The following VPS9D1 variants were observed in gnomAD, a reference collection of about 807,000 sequenced individuals.
VPS9D1 encodes the protein VPS9 domain containing 1.
A neutral mutation model predicts 75.8 loss-of-function variants in VPS9D1; 78 were observed. That is an observed-to-expected ratio of 1.03 (90% CI 0.86 to 1.24). The LOEUF is 1.24. Among genes scored for constraint, VPS9D1 ranks in the 50% most tolerant of loss-of-function variants. The pLI is 0.00. For missense variants in VPS9D1, 1,057 were observed against 847.7 expected, an observed-to-expected ratio of 1.25 and a Z score of -3.07; for synonymous variants, 481 against 385.6, an observed-to-expected ratio of 1.25 and a Z score of -2.90.
rs185285958 is a variant in VPS9D1 at position 89,713,946 on chromosome 16, T to A, written c.432-1230A>T. Reference sequence around the variant, plus strand: ...AAATCACTGAGGTTTTTTTGCAAAATTTTTTTTTTTGAGTCAGTCTCATTC... The same window carrying A: ...AAATCACTGAGGTTTTTTTGCAAAAATTTTTTTTTTGAGTCAGTCTCATTC... On this transcript the variant is annotated intron_variant, in intron 4 of 14. Transcript: ENST00000389386. 1.8e-3 allele frequency among the ~76,000 whole-genome samples: 273 copies of A among 149,160 alleles called. 2 individuals are homozygous for A. The highest frequency in any genetic ancestry group is 4.8e-3 in the African/African-American group (196 of 40,620).
chr16:89,720,256 T>C, intron 1 of VPS9D1: 1 of 339,860 alleles, frequency 2.9e-6, no homozygotes, highest in Non-Finnish European at 4.2e-6. Flanking sequence ...CTCTACCTGG[T>C]CGCCAACCTT....
intron 4 of VPS9D1, among the ~76,000 whole-genome samples, chr16:89,713,776 A>T (rs992902253): frequency 1.3e-4 from 19 of 151,556 alleles, no homozygotes; most frequent in Non-Finnish European, 2.7e-4. Context: ...TGGGAGGATG[A>T]GGCAGGCGGA....
At chr16:89,711,648 C>G (rs961390135) in intron 8 of VPS9D1, 1 of 663,964 alleles carries the variant, frequency 1.5e-6, no homozygotes, top group African/African-American at 1.9e-5. Context: ...GGGACCCTCC[C>G]TCCTCGCTGG....
chr16:89,716,460 A>C lies in VPS9D1; in HGVS notation c.431+2T>G. On this transcript the variant is annotated splice_donor_variant, in intron 4 of 14. Transcript: ENST00000389386. LOFTEE classifies it high-confidence loss of function. ...TCCCACCTCCCATCTTGTCCATCTT[A>C]CTTCTTACAGCTTTGTGACTCTGCC... 1 of 1,613,852 alleles carries C rather than the reference A, an allele frequency of 6.2e-7. No homozygotes were observed. The highest frequency in any genetic ancestry group is 8.5e-7 in the Non-Finnish European group (1 of 1,179,944).
Position 89,712,604 on chromosome 16 carries a change from C to G in VPS9D1, c.543+1G>C. ...CCAGGCCCTCCCTAGCCCCCACTCACCAGGGATGTCTTCTGCATGGCCTGG... is the reference window on the plus strand; with the variant it reads ...CCAGGCCCTCCCTAGCCCCCACTCAGCAGGGATGTCTTCTGCATGGCCTGG... On this transcript the variant is annotated splice_donor_variant, in intron 5 of 14. Coordinates refer to ENST00000389386, the MANE Select transcript of VPS9D1 (RefSeq NM_004913.3). LOFTEE classifies it high-confidence loss of function. 6.2e-7 allele frequency: 1 copy of G among 1,609,378 alleles called. No individual in the cohort carries two copies. The highest frequency in any genetic ancestry group is 8.5e-7 in the Non-Finnish European group (1 of 1,178,212).
At chr16:89,713,462 A>G (rs1447065743) in intron 4 of VPS9D1, among the ~76,000 whole-genome samples, 6 of 151,220 alleles carry the variant, frequency 4.0e-5, no homozygotes, top group Non-Finnish European at 7.4e-5. Flanking sequence ...CACCGCATTA[A>G]CCAGGATGGT....
intron 1 of VPS9D1, chr16:89,720,458 A>G: frequency 1.9e-6 from 2 of 1,079,232 alleles, no homozygotes; most frequent in Non-Finnish European, 1.1e-6. Flanking sequence ...CGTCACTCGG[A>G]TTTTGGAAGG....
chr16:89,708,384 G>A (rs754229401), intron 14 of VPS9D1, 43 bp downstream of exon 14: 2 of 1,556,520 alleles, frequency 1.3e-6, no homozygotes, highest in Non-Finnish European at 1.8e-6. Context: ...TGAGGTCCCT[G>A]CTCTTCGCAC....
Position 89,712,819 on chromosome 16 carries a change from G to A in VPS9D1, c.432-103C>T, listed in dbSNP as rs888016973. ...TCCCGGATTGCTCTGAGGCCAGGAG[G>A]TGAGGAGAAAGAGGAGGGGAGCCAT... On this transcript the variant is annotated intron_variant, in intron 4 of 14. Coordinates refer to ENST00000389386, the MANE Select transcript of VPS9D1 (RefSeq NM_004913.3). The A allele has an allele frequency of 7.4e-6, 8 of 1,080,748 alleles. No homozygotes were observed. In the South Asian group the frequency reaches 1.3e-4, roughly 17 times the overall value. 66.9% of individuals were successfully genotyped at this position (1,080,748 alleles called of 1,614,324 possible).
chr16:89,716,964 C>G lies in VPS9D1; in HGVS notation c.176-142G>C. 9 of 688,384 alleles carry G rather than the reference C, an allele frequency of 1.3e-5. No homozygotes were observed. The South Asian group carries it at 2.0e-4, about 15-fold the overall frequency. 42.6% of individuals were successfully genotyped at this position (688,384 alleles called of 1,614,324 possible). On this transcript the variant is annotated intron_variant, in intron 2 of 14. Transcript: ENST00000389386. Reference sequence around the variant, plus strand: ...CTGACCCCGGGCAAGCCCACTGCCCCCCCATCCCCTCACTGACCCTGGGCA... The same window carrying G: ...CTGACCCCGGGCAAGCCCACTGCCCGCCCATCCCCTCACTGACCCTGGGCA...
rs2151650481 is a variant in VPS9D1 at position 89,720,774 on chromosome 16, TG to T, written c.87del (p.Asn30ThrfsTer11). The T allele has an allele frequency of 6.9e-7, 1 of 1,452,420 alleles. No individual in the cohort carries two copies. Among genetic ancestry groups the T allele is most frequent in the Non-Finnish European group, 9.1e-7 (1 of 1,098,694 alleles). 90.0% of individuals were successfully genotyped at this position (1,452,420 alleles called of 1,614,324 possible). ...CCGCCCCGCCTCACCCGGGGCCGGT[TG>T]CCGGTGTCCAGCTCGATGGCCCCGT... ...LANGAIELDT[G>X]NRPREAYTEY... On this transcript the variant is annotated frameshift_variant, in exon 1 of 15. Transcript: ENST00000389386. LOFTEE classifies it high-confidence loss of function.
At position 89,708,934 on chromosome 16, in the gene VPS9D1, A is replaced by G. The variant is rs1386501962; in HGVS notation, c.1620T>C (p.Cys540=). The G allele has an allele frequency of 1.9e-6, 3 of 1,605,272 alleles. No individual in the cohort carries two copies. Among genetic ancestry groups the G allele is most frequent in the Non-Finnish European group, 2.5e-6 (3 of 1,177,236 alleles). The change falls in exon 13 of 15, where the codon TGT becomes TGC. Residue 540 remains cysteine, a synonymous_variant. Coordinates refer to ENST00000389386, the MANE Select transcript of VPS9D1 (RefSeq NM_004913.3). The stretch of plus-strand genomic sequence containing the variant: ...TGGGGCAGTAGTCTTCCGCACAGAC[A>G]CAGATGATCCGCAGGGTCCGCACTG... ...ECIVRTLRII[C]VCAEDYCPTP... is the part of the protein sequence containing the mutation.
chr16:89,710,853 G>C lies in VPS9D1; in HGVS notation c.991C>G (p.Leu331Val). The change falls in exon 10 of 15, where the codon CTC becomes GTC. Residue 331 changes from leucine to valine, a missense_variant. Physicochemically the swap from Leu to Val is conservative, Grantham distance 32 (BLOSUM62 1). Transcript: ENST00000389386. ...TCGGGCGGGGACAGCATGCAATGGAGGCTCTGCGAGGGCCGCAGCCGTCGG... is the reference window on the plus strand; with the variant it reads ...TCGGGCGGGGACAGCATGCAATGGACGCTCTGCGAGGGCCGCAGCCGTCGG... ...GSRRLRPSQS[L>V]HCMLSPPEPS... is the part of the protein sequence containing the mutation. The C allele has an allele frequency of 6.6e-7, 1 of 1,517,490 alleles. No homozygotes were observed. The highest frequency in any genetic ancestry group is 8.8e-7 in the Non-Finnish European group (1 of 1,132,000). 94.0% of individuals were successfully genotyped at this position (1,517,490 alleles called of 1,614,324 possible).
chr16:89,717,466 G>A (rs998032776), intron 2 of VPS9D1: 22 of 429,738 alleles, frequency 5.1e-5, no homozygotes, highest in Middle Eastern at 3.4e-4. Context: ...GCACCTCTGC[G>A]CGACCATGGA....
In VPS9D1 at chr16:89,709,247, T is replaced by G; in HGVS notation, c.1577A>C (p.Gln526Pro). 6.2e-7 allele frequency: 1 copy of G among 1,611,872 alleles called. No homozygotes were observed. The highest frequency in any genetic ancestry group is 2.2e-5 in the East Asian group (1 of 44,880). Residue 526 changes from glutamine to proline, a missense_variant, in exon 12 of 15, where the codon CAG becomes CCG. Gln to Pro is a moderately conservative substitution (Grantham distance 76, BLOSUM62 -1). Transcript: ENST00000389386. ...CTGACCTATGCACTCCAGCTTCTTC[T>G]GGGGGCAGCTCTCCAGGACCAGCAG... ...LGLLVLESCP[Q>P]KKLECIVRTL...
chr16:89,718,209 G>A, intron 2 of VPS9D1: 1 of 395,872 alleles, frequency 2.5e-6, no homozygotes, highest in Non-Finnish European at 5.1e-6. Context: ...TCTGCCTCCT[G>A]CAAGTCTGCT....
At position 89,710,746 on chromosome 16, in the gene VPS9D1, C is replaced by T. The variant is rs1413381339; in HGVS notation, c.1098G>A (p.Leu366=). ...CTGGCAATCCAGATGCGGTGTCCCC[C>T]AGGGGTGAGGGAGACCCCACGGGGC... ...QPGPVGSPSP[L]GDTASGLPDK... The change falls in exon 10 of 15, where the codon CTG becomes CTA. Residue 366 remains leucine (L), a synonymous_variant. Transcript: ENST00000389386. The T allele has an allele frequency of 1.3e-6, 2 of 1,579,606 alleles. No homozygotes were observed. The highest frequency in any genetic ancestry group is 3.7e-5 in the Admixed American group (2 of 54,766).
Position 89,710,682 on chromosome 16 carries a change from C to G in VPS9D1, c.1162G>C (p.Gly388Arg), listed in dbSNP as rs761112683. Residue 388 changes from glycine to arginine, a missense_variant, in exon 10 of 15, where the codon GGG becomes CGG. Transcript: ENST00000389386. Reference sequence around the variant, plus strand: ...CCCCGGCCCTGCCGCTCAGACGTCCCCAGGAACTGCTCCAGGTCCTCGAAC... The same window carrying G: ...CCCCGGCCCTGCCGCTCAGACGTCCGCAGGAACTGCTCCAGGTCCTCGAAC... Reference protein sequence around the residue: ...SSFEDLEQFLGTSERQGRGRG... With the variant: ...SSFEDLEQFLRTSERQGRGRG... The G allele has an allele frequency of 3.7e-6, 6 of 1,611,404 alleles. No individual in the cohort carries two copies. The South Asian group carries it at 6.6e-5, about 18-fold the overall frequency.
At chr16:89,712,941 T>C (rs1215967470) in intron 4 of VPS9D1, 2 of 436,314 alleles carry the variant, frequency 4.6e-6, no homozygotes, top group Non-Finnish European at 4.1e-6. Flanking sequence ...GCCAGCACTT[T>C]AGGAGGCTAA....
Sources: allele counts gnomAD v4.1 joint callset (sites outside exome capture counted in the v4.1 genomes callset), GRCh38; gene constraint gnomAD v4.1.1; transcripts MANE v1.5; gene names NCBI Gene and HGNC (gene_info 2026-07-23, HGNC 2026-07-21).